RNF111: variants seen among roughly 807,000 people sequenced by gnomAD.
RNF111 encodes the protein E3 ubiquitin-protein ligase Arkadia.
A neutral mutation model predicts 95.1 loss-of-function variants in RNF111; 17 were observed. The observed-to-expected ratio is 0.18, with a 90% CI of 0.12 to 0.27. The LOEUF is 0.27. Ranked by LOEUF, RNF111 falls within the 10% of genes least tolerant of loss-of-function variation. The pLI is 1.00. For synonymous variants in RNF111, 440 were observed against 414.8 expected (o/e 1.06, Z -0.74); for missense variants, 1,189 against 1,210.4 (o/e 0.98, Z 0.26).
rs748629352 is a variant in RNF111, at chr15:59,031,316, A to T, written c.494A>T (p.His165Leu). 1 of 1,614,080 alleles carries T rather than the reference A, an allele frequency of 6.2e-7. No homozygotes were observed. The highest frequency in any genetic ancestry group is 2.2e-5 in the East Asian group (1 of 44,898). ...SDEDKEVSVR[H>L]SQTILNAKSR... ...GAGGATAAAGAAGTCTCTGTAAGAC[A>T]TTCCCAGACCATTTTGAATGCTAAA... Residue 165 changes from histidine (H) to leucine (L), a missense_variant, in exon 2 of 14, where the codon CAT becomes CTT. His to Leu is a moderately conservative substitution (Grantham distance 99). Coordinates refer to ENST00000348370, the MANE Select transcript of RNF111 (RefSeq NM_017610.8).
chr15:58,993,672 G>A (rs2038919071), intron 1 of RNF111, among the ~76,000 whole-genome samples: 1 of 152,096 alleles, frequency 6.6e-6, no homozygotes, highest in South Asian at 2.1e-4. Context: ...TGTATTTCAG[G>A]CACTGTGCCA....
rs373978330 is a variant in RNF111, at chr15:59,076,110, T to C, written c.1843T>C (p.Leu615=). ...CGCTGCTGCTGCCCCAAGTCAACCT[T>C]TATCATCAATAGATGGCTATGGATC... ...QAAAAAPSQP[L]SSIDGYGSSM... Residue 615 remains leucine (L), a synonymous_variant, in exon 7 of 14, where the codon TTA becomes CTA. Coordinates refer to ENST00000348370, the MANE Select transcript of RNF111 (RefSeq NM_017610.8). The C allele has an allele frequency of 6.2e-7, 1 of 1,614,170 alleles. No individual in the cohort carries two copies. Among genetic ancestry groups the C allele is most frequent in the South Asian group, 1.1e-5 (1 of 91,086 alleles).
intron 1 of RNF111, among the ~76,000 whole-genome samples, chr15:59,023,542 T>C (rs1177598988): frequency 2.6e-5 from 4 of 152,182 alleles, no homozygotes; most frequent in African/African-American, 7.2e-5. Flanking sequence ...ATTTATATAT[T>C]TTTGGTAAAT....
rs780828924 is a variant in RNF111, at chr15:59,066,820, C to T, written c.1423C>T (p.Pro475Ser). 34 of 1,613,962 alleles carry T rather than the reference C, an allele frequency of 2.1e-5. 1 individual carries two copies. The highest frequency in any genetic ancestry group is 2.9e-5 in the Non-Finnish European group (34 of 1,180,018). Residue 475 changes from proline to serine, a missense_variant, in exon 6 of 14, where the codon CCA (proline) becomes TCA (serine). Coordinates refer to ENST00000348370, the MANE Select transcript of RNF111 (RefSeq NM_017610.8). ...AVTETGPPAM[P>S]RLPSCCPQHS... ...AACGGAAACTGGCCCTCCTGCAATG[C>T]CAAGGTTACCTTCCTGCTGTCCCCA...
At chr15:59,079,153 C>G (rs1213190179) in intron 7 of RNF111, among the ~76,000 whole-genome samples, 5 of 152,106 alleles carry the variant, frequency 3.3e-5, no homozygotes, top group African/African-American at 1.2e-4. Flanking sequence ...AAAGTGATGT[C>G]TAAAGAGTAG....
chr15:59,000,582 C>T (rs1227202336), intron 1 of RNF111, among the ~76,000 whole-genome samples: 1 of 151,688 alleles, frequency 6.6e-6, no homozygotes. Flanking sequence ...TGGTGGCGGG[C>T]GCCTATAATC....
At chr15:59,080,704 T>C (rs1034485877) in intron 7 of RNF111, among the ~76,000 whole-genome samples, 3 of 152,140 alleles carry the variant, frequency 2.0e-5, no homozygotes, top group Admixed American at 6.6e-5. Flanking sequence ...TAATAGAATG[T>C]TGTGAAGCTG....
chr15:58,996,649 C>CTTTTTTTTTTTTT lies in RNF111; in HGVS notation c.-20+8598_-20+8610dup, dbSNP rs60350601. Among the ~76,000 whole-genome samples the CTTTTTTTTTTTTT allele has an allele frequency of 7.4e-4, 75 of 100,810 alleles. 2 individuals are homozygous for CTTTTTTTTTTTTT. Among genetic ancestry groups the CTTTTTTTTTTTTT allele is most frequent in the African/African-American group, 1.1e-3 (29 of 25,622 alleles). The allele number at this position is 100,810 out of a possible 152,430, so 66.1% of individuals were successfully genotyped here. A position where few individuals can be genotyped will look rare whatever the true frequency, so the allele number is the denominator to read the frequency against. On this transcript the variant is annotated intron_variant, in intron 1 of 13. Coordinates refer to ENST00000348370, the MANE Select transcript of RNF111 (RefSeq NM_017610.8). ...GTGATTGAAAACTCATCAGTACTTTCTTTTTTTTTTTTTTTTTTTTTTTTT... is the reference window on the plus strand; with the variant it reads ...GTGATTGAAAACTCATCAGTACTTTCTTTTTTTTTTTTTTTTTTTTTTTTTTTTTTTTTTTTTT...
chr15:59,031,755 C>A, intron 2 of RNF111, 53 bp downstream of exon 2: 1 of 1,504,728 alleles, frequency 6.6e-7, no homozygotes. Context: ...TGCATTTGTG[C>A]TTAATTTTTT....
chr15:59,054,217 G>A (rs891254635), intron 3 of RNF111, among the ~76,000 whole-genome samples: 50 of 152,254 alleles, frequency 3.3e-4, no homozygotes, highest in Admixed American at 1.7e-3. Context: ...GATTACAGGC[G>A]TGAGCCACCA....
Position 58,987,809 on chromosome 15 carries a change from G to T in RNF111, c.-279G>T. 6.3e-6 allele frequency: 1 copy of T among 157,548 alleles called. No individual in the cohort carries two copies. Among genetic ancestry groups the T allele is most frequent in the Non-Finnish European group, 1.4e-5 (1 of 70,770 alleles). The allele number at this position is 157,548 out of a possible 1,614,324, so 9.8% of individuals were successfully genotyped here. A position where few individuals can be genotyped will look rare whatever the true frequency, so the allele number is the denominator to read the frequency against. ...CAGCGTAGAAACGCCCGCAGCTTCA[G>T]AGAAGGAGTTCTTGTGGGACCAAAT... On this transcript the variant is annotated 5_prime_UTR_variant, in exon 1 of 14. Transcript: ENST00000348370.
chr15:59,033,548 A>T (rs151012788), intron 2 of RNF111, among the ~76,000 whole-genome samples: 214 of 152,318 alleles, frequency 1.4e-3, no homozygotes, highest in African/African-American at 4.5e-3. Flanking sequence ...GAATGTGCAT[A>T]TACTAGTTTT....
intron 2 of RNF111, among the ~76,000 whole-genome samples, chr15:59,041,205 C>T (rs771602654): frequency 2.2e-4 from 34 of 152,150 alleles, no homozygotes; most frequent in Non-Finnish European, 4.6e-4. Context: ...CAACCAGTCT[C>T]CTATTGATGA....
At chr15:59,046,274 G>A (rs1263939132) in intron 2 of RNF111, among the ~76,000 whole-genome samples, 1 of 151,502 alleles carries the variant, frequency 6.6e-6, no homozygotes, top group Non-Finnish European at 1.5e-5. Flanking sequence ...GGTCCCTGCA[G>A]CCTCAGCCTC....
At chr15:59,090,495 A>C (rs1405999438) in intron 11 of RNF111, among the ~76,000 whole-genome samples, 1 of 152,088 alleles carries the variant, frequency 6.6e-6, no homozygotes, top group East Asian at 1.9e-4. Flanking sequence ...CTCCCAAAGT[A>C]CTGGGATTAC....
chr15:59,055,625 G>A (rs189064869), intron 3 of RNF111, 57 bp from the exon 4 acceptor site: 8 of 1,310,708 alleles, frequency 6.1e-6, no homozygotes, highest in Admixed American at 5.5e-5. Flanking sequence ...ATGGGTTTTT[G>A]TGGTGACTAA....
chr15:59,071,035 C>T (rs1433024474), intron 6 of RNF111, among the ~76,000 whole-genome samples: 3 of 152,078 alleles, frequency 2.0e-5, no homozygotes, highest in Admixed American at 6.5e-5. Flanking sequence ...CGGTGGCTCA[C>T]GCCTGTCATC....
intron 1 of RNF111, among the ~76,000 whole-genome samples, chr15:59,024,516 G>T (rs1198489136): frequency 1.3e-5 from 2 of 152,064 alleles, no homozygotes; most frequent in African/African-American, 4.8e-5. Flanking sequence ...GGAAGAGAGG[G>T]TGATTTTTTA....
chr15:59,091,134 T>C lies in RNF111; in HGVS notation c.2719T>C (p.Tyr907His), dbSNP rs1943914613. Reference protein sequence around the residue: ...ASQGTIERCTYPHKYKKRKLH... With the variant: ...ASQGTIERCTHPHKYKKRKLH... ...CCAGGGGACAATTGAAAGATGTACA[T>C]ATCCACATAAATACAAAAAGGTAAG... The change falls in exon 12 of 14, where the codon TAT becomes CAT. Residue 907 changes from tyrosine to histidine, a missense_variant. Transcript: ENST00000348370. 1.2e-6 allele frequency: 2 copies of C among 1,600,028 alleles called. No individual in the cohort carries two copies. Among genetic ancestry groups the C allele is most frequent in the Admixed American group, 1.7e-5 (1 of 59,602 alleles).
Sources: gnomAD v4.1 joint callset for allele counts (sites outside exome capture counted in the v4.1 genomes callset) on GRCh38, gnomAD v4.1.1 for gene constraint, MANE v1.5 for transcripts, NCBI Gene and HGNC (gene_info 2026-07-23, HGNC 2026-07-21) for gene names.